Variants in CNTN4 observed in about 807,000 individuals in gnomAD.
CNTN4 encodes contactin-4.
Under a neutral mutation model 122.5 loss-of-function variants are expected in CNTN4, and 77 were observed. The ratio of observed to expected loss-of-function variants is 0.63; its 90% CI spans 0.52 to 0.76. The LOEUF is 0.76. Ranked by LOEUF, CNTN4 falls within the 30% of genes least tolerant of loss-of-function variation. The pLI is 0.00. For missense variants in CNTN4, 1,256 were observed against 1,259.1 expected (o/e 1.00, Z 0.04); for synonymous variants, 512 against 447.0 (o/e 1.15, Z -1.83).
intron 2 of CNTN4, among the ~76,000 whole-genome samples, chr3:2,244,622 T>G (rs977220395): frequency 6.6e-6 from 1 of 152,132 alleles, no homozygotes; most frequent in Admixed American, 6.6e-5. Flanking sequence ...ACTTTTTAAC[T>G]GTTACTGCTA....
At chr3:2,144,142 C>G (rs2035134082) in intron 2 of CNTN4, 1 of 152,182 alleles carries the variant, frequency 6.6e-6, no homozygotes, top group South Asian at 2.1e-4. Context: ...AGTAAGCCTT[C>G]ATGATTTAGG....
intron 6 of CNTN4, among the ~76,000 whole-genome samples, chr3:2,765,472 A>C (rs2090813408): frequency 6.6e-6 from 1 of 152,220 alleles, no homozygotes; most frequent in Non-Finnish European, 1.5e-5. Flanking sequence ...TATGTGAAGT[A>C]CCTGGTCTGT....
intron 3 of CNTN4, among the ~76,000 whole-genome samples, chr3:2,522,523 A>G (rs553334014): frequency 8.5e-5 from 13 of 152,264 alleles, no homozygotes; most frequent in East Asian, 7.7e-4. Flanking sequence ...CTTGTATTAC[A>G]TATTTTTTCT....
chr3:2,218,239 G>C (rs1351280474), intron 2 of CNTN4, among the ~76,000 whole-genome samples: 1 of 152,100 alleles, frequency 6.6e-6, no homozygotes, highest in Admixed American at 6.5e-5. Flanking sequence ...TAATTTTAAT[G>C]TACAAGTAGT....
intron 3 of CNTN4, among the ~76,000 whole-genome samples, chr3:2,539,933 C>G (rs539695095): frequency 2.1e-4 from 32 of 152,048 alleles, no homozygotes; most frequent in African/African-American, 5.1e-4. Flanking sequence ...GGAGGGAACT[C>G]AAGAGTTATT....
chr3:2,787,519 G>C lies in CNTN4; in HGVS notation c.359-31967G>C, dbSNP rs181167963. Among the ~76,000 whole-genome samples, 41 of 152,300 alleles carry C rather than the reference G, an allele frequency of 2.7e-4. 1 individual carries two copies. Among genetic ancestry groups the C allele is most frequent in the Admixed American group, 1.9e-3 (29 of 15,294 alleles). On this transcript the variant is annotated intron_variant, in intron 6 of 24. Transcript: ENST00000418658. ...CTATAAAAGCCATAGTGTTTATTTG[G>C]TCAGTGTCCGAACTTTTTACAAGGT...
At chr3:2,744,391 T>C (rs2089642204) in intron 5 of CNTN4, among the ~76,000 whole-genome samples, 1 of 152,250 alleles carries the variant, frequency 6.6e-6, no homozygotes, top group South Asian at 2.1e-4. Context: ...CACACAAATA[T>C]TTAAATGGTG....
At chr3:2,979,999 C>T (rs997547203) in intron 13 of CNTN4, among the ~76,000 whole-genome samples, 6 of 152,246 alleles carry the variant, frequency 3.9e-5, no homozygotes, top group Admixed American at 3.9e-4. Flanking sequence ...ACTAAAGACC[C>T]CCCCAAAAGA....
intron 13 of CNTN4, among the ~76,000 whole-genome samples, chr3:2,929,956 G>A (rs528304541): frequency 1.6e-4 from 25 of 152,190 alleles, no homozygotes; most frequent in Admixed American, 5.9e-4. Flanking sequence ...CCAGGGCAGG[G>A]ATCCCCACAA....
intron 2 of CNTN4, among the ~76,000 whole-genome samples, chr3:2,210,792 T>C (rs1215792735): frequency 1.3e-5 from 2 of 152,158 alleles, no homozygotes; most frequent in African/African-American, 4.8e-5. Context: ...GCCCATTTCC[T>C]TCAATACATC....
At chr3:2,526,217 T>C (rs1168776408) in intron 3 of CNTN4, among the ~76,000 whole-genome samples, 3 of 152,166 alleles carry the variant, frequency 2.0e-5, no homozygotes. Context: ...TTCTCATTTC[T>C]CTGTCTAGAT....
chr3:2,939,501 A>G (rs936133222), intron 13 of CNTN4, among the ~76,000 whole-genome samples: 1 of 152,178 alleles, frequency 6.6e-6, no homozygotes, highest in Admixed American at 6.5e-5. Flanking sequence ...ATGGAACAGG[A>G]GTTAAAATTT....
At chr3:2,103,021 A>G (rs2032118112) in intron 2 of CNTN4, among the ~76,000 whole-genome samples, 1 of 151,968 alleles carries the variant, frequency 6.6e-6, no homozygotes, top group Non-Finnish European at 1.5e-5. Flanking sequence ...GATACTTTTT[A>G]AAGCACATTG....
At chr3:2,860,811 T>G (rs778722337) in intron 7 of CNTN4, among the ~76,000 whole-genome samples, 1 of 152,206 alleles carries the variant, frequency 6.6e-6, no homozygotes, top group Non-Finnish European at 1.5e-5. Context: ...TTGAGAGAGC[T>G]CTTTCATATG....
chr3:2,903,819 G>C (rs1383513137), intron 12 of CNTN4, among the ~76,000 whole-genome samples: 1 of 151,878 alleles, frequency 6.6e-6, no homozygotes, highest in Non-Finnish European at 1.5e-5. Flanking sequence ...ATCATAATTG[G>C]TTCAATTCAT....
chr3:2,747,293 C>G (rs1329076636), intron 6 of CNTN4, among the ~76,000 whole-genome samples: 1 of 151,434 alleles, frequency 6.6e-6, no homozygotes, highest in Non-Finnish European at 1.5e-5. Context: ...CCTGTAGTCC[C>G]AGCTGCTCGG....
intron 6 of CNTN4, among the ~76,000 whole-genome samples, chr3:2,768,093 G>A (rs2090941398): frequency 6.6e-6 from 1 of 152,204 alleles, no homozygotes; most frequent in Non-Finnish European, 1.5e-5. Flanking sequence ...TTTTACATCT[G>A]TGGAGCCTTC....
chr3:2,767,891 TC>T (rs1190220389), intron 6 of CNTN4, among the ~76,000 whole-genome samples: 1 of 152,252 alleles, frequency 6.6e-6, no homozygotes, highest in Non-Finnish European at 1.5e-5. Flanking sequence ...TGTGTTTTTT[TC>T]CTTTAAGTGG....
intron 2 of CNTN4, among the ~76,000 whole-genome samples, chr3:2,120,373 AAAT>A (rs2033651804): frequency 2.3e-4 from 10 of 44,104 alleles, no homozygotes; most frequent in African/African-American, 6.2e-4. Context: ...ATATATATAT[AAAT>A]ATATATATAT....
Sources: allele counts gnomAD v4.1 joint callset (sites outside exome capture counted in the v4.1 genomes callset), GRCh38; gene constraint gnomAD v4.1.1; transcripts MANE v1.5; gene names NCBI Gene and HGNC (gene_info 2026-07-23, HGNC 2026-07-21).